Variants in DOK6 observed in about 807,000 individuals in gnomAD.
DOK6 encodes the protein docking protein 6, also known as downstream of tyrosine kinase 6.
Under a neutral mutation model 44.0 loss-of-function variants are expected in DOK6, and 22 were observed. That is an observed-to-expected ratio of 0.50 (90% CI 0.36 to 0.71). The LOEUF is 0.71. Ranked by LOEUF, DOK6 falls within the 30% of genes least tolerant of loss-of-function variation. The pLI, the probability that DOK6 is intolerant of heterozygous loss-of-function variation, is 0.00. For synonymous variants in DOK6, 166 were observed against 145.5 expected (o/e 1.14, Z -1.01); for missense variants, 340 against 416.4 (o/e 0.82, Z 1.60).
At chr18:69,495,105 G>T (rs1173830980) in intron 1 of DOK6, among the ~76,000 whole-genome samples, 1 of 152,244 alleles carries the variant, frequency 6.6e-6, no homozygotes, top group Non-Finnish European at 1.5e-5. Context: ...CCTGCTCTCT[G>T]CAAGGCTGTG....
intron 1 of DOK6, among the ~76,000 whole-genome samples, chr18:69,531,903 G>T (rs1005888868): frequency 3.9e-5 from 6 of 152,134 alleles, no homozygotes; most frequent in African/African-American, 9.7e-5. Flanking sequence ...AATCCCCAAT[G>T]TGATGATATT....
At chr18:69,481,819 A>T (rs192120156) in intron 1 of DOK6, among the ~76,000 whole-genome samples, 5 of 152,294 alleles carry the variant, frequency 3.3e-5, no homozygotes, top group Admixed American at 3.3e-4. Flanking sequence ...CAATGGTTGA[A>T]CTAGTTTACA....
At chr18:69,428,915 C>T (rs1450600767) in intron 1 of DOK6, among the ~76,000 whole-genome samples, 4 of 152,126 alleles carry the variant, frequency 2.6e-5, no homozygotes, top group Non-Finnish European at 2.9e-5. Context: ...TTAGTGTTTC[C>T]TTATAGGCAC....
At chr18:69,543,490 A>G (rs1050903751) in intron 1 of DOK6, among the ~76,000 whole-genome samples, 2 of 151,572 alleles carry the variant, frequency 1.3e-5, no homozygotes, top group African/African-American at 4.8e-5. Flanking sequence ...TATTTTCTCC[A>G]TTCTTTTTTT....
At chr18:69,403,911 G>A (rs1056713491) in intron 1 of DOK6, among the ~76,000 whole-genome samples, 1 of 152,110 alleles carries the variant, frequency 6.6e-6, no homozygotes, top group African/African-American at 2.4e-5. Context: ...TCAAAACTAT[G>A]AACTTTTCCA....
chr18:69,683,873 C>T (rs564480144), intron 4 of DOK6, among the ~76,000 whole-genome samples: 7 of 152,272 alleles, frequency 4.6e-5, no homozygotes, highest in African/African-American at 1.7e-4. Context: ...CTTTGTATAA[C>T]CCAACATTTC....
At chr18:69,834,492 A>G (rs1981987855) in intron 7 of DOK6, among the ~76,000 whole-genome samples, 1 of 152,168 alleles carries the variant, frequency 6.6e-6, no homozygotes, top group African/African-American at 2.4e-5. Flanking sequence ...GTTAACAATA[A>G]TTTATTGTAT....
chr18:69,647,084 CCTAT>C (rs373064948), intron 3 of DOK6, among the ~76,000 whole-genome samples: 13 of 129,490 alleles, frequency 1.0e-4, no homozygotes, highest in East Asian at 2.4e-4. Context: ...ATCTGTCTAT[CCTAT>C]CTGTCTATCC....
chr18:69,681,180 A>G (rs773503798), intron 4 of DOK6, among the ~76,000 whole-genome samples: 15 of 152,206 alleles, frequency 9.9e-5, no homozygotes, highest in Non-Finnish European at 1.8e-4. Context: ...ACTAAGAGAT[A>G]TGTGTGCAGA....
chr18:69,502,605 T>C (rs1393146473), intron 1 of DOK6, among the ~76,000 whole-genome samples: 1 of 152,090 alleles, frequency 6.6e-6, no homozygotes, highest in Non-Finnish European at 1.5e-5. Context: ...CGTGAAATTC[T>C]GAGGTGGTTA....
rs1413585912 is a variant in DOK6, at chr18:69,791,540, T to C, written c.856+33667T>C. On this transcript the variant is annotated intron_variant, in intron 7 of 7. Transcript: ENST00000382713. ...CAGCTTTTCATACACCTGTTTGCCA[T>C]TCGTATGTCTTCTTTCGAGAAATGT... is the stretch of plus-strand genomic sequence containing the variant. 3.9e-5 allele frequency among the ~76,000 whole-genome samples: 6 copies of C among 152,196 alleles called. No homozygotes were observed. In the East Asian group the frequency reaches 9.6e-4, roughly 24 times the overall value.
intron 1 of DOK6, among the ~76,000 whole-genome samples, chr18:69,480,602 T>C (rs923487135): frequency 1.3e-5 from 2 of 152,182 alleles, no homozygotes; most frequent in African/African-American, 4.8e-5. Flanking sequence ...CTCTTTGAAT[T>C]AAGATCTATT....
chr18:69,811,444 A>T (rs528581475), intron 7 of DOK6, among the ~76,000 whole-genome samples: 16 of 150,356 alleles, frequency 1.1e-4, no homozygotes, highest in African/African-American at 3.9e-4. Flanking sequence ...CTGAGAGTGG[A>T]TTTTAAGTTC....
intron 7 of DOK6, among the ~76,000 whole-genome samples, chr18:69,786,630 A>G (rs973587561): frequency 3.9e-5 from 6 of 152,208 alleles, no homozygotes; most frequent in African/African-American, 1.2e-4. Flanking sequence ...GCTTTGACAT[A>G]CAATGTATAG....
intron 7 of DOK6, among the ~76,000 whole-genome samples, chr18:69,774,835 T>C (rs376792730): frequency 3.6e-4 from 54 of 151,730 alleles, no homozygotes; most frequent in African/African-American, 1.1e-3. Flanking sequence ...ACTAGACAAA[T>C]GGTATGACTT....
At chr18:69,470,802 T>G (rs1010301670) in intron 1 of DOK6, among the ~76,000 whole-genome samples, 7 of 152,322 alleles carry the variant, frequency 4.6e-5, no homozygotes, top group African/African-American at 1.7e-4. Flanking sequence ...GAAATTTTCA[T>G]TCGCTCAACA....
rs144190587 is a variant in DOK6 at position 69,592,877 on chromosome 18, T to G, written c.175-6507T>G. On this transcript the variant is annotated intron_variant, in intron 2 of 7. Transcript: ENST00000382713. ...ATTTTTTATGTTACATTGACAGGTT[T>G]TAGACTAATAAAAACATAATTTTAA... Among the ~76,000 whole-genome samples the G allele has an allele frequency of 3.3e-4, 50 of 152,290 alleles. 1 individual carries two copies. The East Asian group carries it at 9.1e-3, about 28-fold the overall frequency.
At chr18:69,711,314 T>C (rs1986751653) in intron 5 of DOK6, among the ~76,000 whole-genome samples, 2 of 152,196 alleles carry the variant, frequency 1.3e-5, no homozygotes, top group Admixed American at 1.3e-4. Context: ...ATCCCGATGA[T>C]AGTGGAATCT....
intron 3 of DOK6, among the ~76,000 whole-genome samples, chr18:69,607,010 A>G (rs919251384): frequency 2.6e-5 from 4 of 152,240 alleles, no homozygotes; most frequent in Admixed American, 6.5e-5. Flanking sequence ...ATCCCAGCAC[A>G]TGACAAAAGA....
Sources: gnomAD v4.1 joint callset for allele counts (sites outside exome capture counted in the v4.1 genomes callset) on GRCh38, gnomAD v4.1.1 for gene constraint, MANE v1.5 for transcripts, NCBI Gene and HGNC (gene_info 2026-07-23, HGNC 2026-07-21) for gene names.